Variants in ZNHIT3 observed in about 807,000 individuals in gnomAD.
ZNHIT3 encodes zinc finger HIT-type containing 3.
Under a neutral mutation model 19.9 loss-of-function variants are expected in ZNHIT3, and 27 were observed. The ratio of observed to expected loss-of-function variants is 1.36; its 90% confidence interval spans 1.00 to 1.87. The LOEUF (loss-of-function observed/expected upper bound fraction) is 1.87, where lower values mean the gene tolerates loss of function less well. Ranked by LOEUF, ZNHIT3 falls within the 40% of genes most tolerant of loss-of-function variation. ZNHIT3 has a pLI of 0.00. For missense variants in ZNHIT3, 215 were observed against 185.6 expected, an observed-to-expected ratio of 1.16 and a Z score of -0.92; for synonymous variants, 81 against 65.7, an observed-to-expected ratio of 1.23 and a Z score of -1.13.
In ZNHIT3 at chr17:36,486,789, A is replaced by C; in HGVS notation, c.86+4A>C. 1 of 1,607,196 alleles carries C rather than the reference A, an allele frequency of 6.2e-7. No individual in the cohort carries two copies. Among genetic ancestry groups the C allele is most frequent in the South Asian group, 1.1e-5 (1 of 90,722 alleles). On this transcript the variant is annotated splice_donor_region_variant and intron_variant, in intron 1 of 4. Coordinates refer to ENST00000617429, the MANE Select transcript of ZNHIT3 (RefSeq NM_004773.4). ...GTCCAGCCTGCCGCGTGCCCTAGTG[A>C]GCGGGGAGGTCGCGGGGTCCAGGGG...
rs1162144829 is a variant in ZNHIT3 at position 36,492,884 on chromosome 17, C to G, written c.190C>G (p.Pro64Ala). The part of the protein sequence containing the change: ...RSALPTKTVK[P>A]VENKDDDDSI... ...AGCTCTTCCTACCAAAACCGTAAAG[C>G]CTGTGGAAAACAAAGGTGGGTTGGT... Residue 64 changes from proline to alanine, a missense_variant, in exon 3 of 5, where the codon CCT (proline) becomes GCT (alanine). Pro to Ala is a conservative substitution (Grantham distance 27). Coordinates refer to ENST00000617429, the MANE Select transcript of ZNHIT3 (RefSeq NM_004773.4). 5 of 1,614,138 alleles carry G rather than the reference C, an allele frequency of 3.1e-6. No individual in the cohort carries two copies. Among genetic ancestry groups the G allele is most frequent in the Middle Eastern group, 3.3e-4 (2 of 6,062 alleles).
downstream of ZNHIT3, chr17:36,498,754 C>A (rs2071231982): frequency 6.5e-6 from 4 of 619,672 alleles, no homozygotes; most frequent in East Asian, 1.1e-4. Context: ...TGTGCTTAGG[C>A]CTTACATATG....
Position 36,486,697 on chromosome 17 carries a change from A to G in ZNHIT3, c.-3A>G, listed in dbSNP as rs748657014. The G allele has an allele frequency of 1.1e-5, 18 of 1,613,510 alleles. No homozygotes were observed. Among genetic ancestry groups the G allele is most frequent in the Non-Finnish European group, 1.1e-5 (13 of 1,179,836 alleles). ...GCAGTGAACAGTCTCCTTCCACAAAACCATGGCGTCGCTCAAATGTAGCAC... is the reference window on the plus strand; with the variant it reads ...GCAGTGAACAGTCTCCTTCCACAAAGCCATGGCGTCGCTCAAATGTAGCAC... On this transcript the variant is annotated 5_prime_UTR_variant, in exon 1 of 5. Coordinates refer to ENST00000617429, the MANE Select transcript of ZNHIT3 (RefSeq NM_004773.4).
downstream of ZNHIT3, chr17:36,498,244 A>G (rs1187439370): frequency 3.1e-6 from 5 of 1,597,704 alleles, no homozygotes; most frequent in Non-Finnish European, 3.4e-6. Context: ...CAAAGCTGTC[A>G]TGGCCATCAC....
downstream of ZNHIT3, chr17:36,496,036 TA>T: frequency 1.2e-6 from 1 of 800,140 alleles, no homozygotes; most frequent in African/African-American, 1.7e-5. Flanking sequence ...ATTTGGTAAC[TA>T]CCAGCCCTGA....
chr17:36,492,711 C>G, intron 2 of ZNHIT3, 102 bp from the exon 3 acceptor site: 1 of 1,000,000 alleles, frequency 1.0e-6, no homozygotes, highest in Non-Finnish European at 1.5e-6. Flanking sequence ...ACATCCCTTA[C>G]CCCAGACACT....
Position 36,495,281 on chromosome 17 carries a change from C to G in ZNHIT3, c.345C>G (p.Val115=). ...ATCCACACCTCAGGCAGTTGATGGT[C>G]AACCTCGATCAGGGAGAAGACAAAG... ...LLNPHLRQLM[V]NLDQGEDKAK... The change falls in exon 5 of 5, where the codon GTC becomes GTG. Residue 115 remains valine, a synonymous_variant. Transcript: ENST00000617429. 1 of 1,613,392 alleles carries G rather than the reference C, an allele frequency of 6.2e-7. No homozygotes were observed. Among genetic ancestry groups the G allele is most frequent in the Non-Finnish European group, 8.5e-7 (1 of 1,179,888 alleles).
chr17:36,486,970 AG>A lies in ZNHIT3; in HGVS notation c.118+5del. 6.2e-7 allele frequency: 1 copy of A among 1,610,928 alleles called. No homozygotes were observed. Among genetic ancestry groups the A allele is most frequent in the Non-Finnish European group, 8.5e-7 (1 of 1,179,418 alleles). ...GTCTGCTTCCGGAAGCACAAAGGTG[AG>A]CCCCGTCCCCGCCAGCCCTCGTACC... On this transcript the variant is annotated splice_donor_5th_base_variant and intron_variant, in intron 2 of 4. Transcript: ENST00000617429.
At chr17:36,496,446 T>C (rs748494369), downstream of ZNHIT3, 2 of 1,607,316 alleles carry the variant, frequency 1.2e-6, no homozygotes, top group Non-Finnish European at 1.7e-6. Context: ...CACTAGTTCC[T>C]GGGAGTGCCA....
At chr17:36,487,487 T>C (rs937972233) in intron 2 of ZNHIT3, among the ~76,000 whole-genome samples, 1 of 152,230 alleles carries the variant, frequency 6.6e-6, no homozygotes, top group African/African-American at 2.4e-5. Flanking sequence ...GAACACACTT[T>C]TGTACAGTTA....
downstream of ZNHIT3, chr17:36,496,111 G>C: frequency 8.3e-7 from 1 of 1,199,226 alleles, no homozygotes; most frequent in Non-Finnish European, 1.2e-6. Context: ...ACGGGGCTCT[G>C]GGTCGAAGGC....
downstream of ZNHIT3, chr17:36,496,249 G>A (rs1294785557): frequency 6.2e-7 from 1 of 1,613,780 alleles, no homozygotes; most frequent in African/African-American, 1.3e-5. Flanking sequence ...AGGCACCAAG[G>A]ATCACCCCAG....
At chr17:36,492,978 G>T in intron 3 of ZNHIT3, 79 bp downstream of exon 3, 4 of 1,344,104 alleles carry the variant, frequency 3.0e-6, no homozygotes, top group Non-Finnish European at 4.3e-6. Context: ...AGTGGGGCTG[G>T]TCAGGGAATC....
At position 36,489,719 on chromosome 17, in the gene ZNHIT3, C is replaced by T. The variant is rs2070682337; in HGVS notation, c.118+2753C>T. 1.3e-5 allele frequency: 2 copies of T among 151,808 alleles called. 1 individual carries two copies. Among genetic ancestry groups the T allele is most frequent in the South Asian group, 4.1e-4 (2 of 4,822 alleles). 9.4% of individuals were successfully genotyped at this position (151,808 alleles called of 1,614,324 possible). On this transcript the variant is annotated intron_variant, in intron 2 of 4. Coordinates refer to ENST00000617429, the MANE Select transcript of ZNHIT3 (RefSeq NM_004773.4). ...TCTCTGCTTACTGCAACCTCCGCTT[C>T]CAGGGTTCAGGTGATTCTCCTGCCT...
At chr17:36,490,168 T>C (rs1442012865) in intron 2 of ZNHIT3, 1 of 152,144 alleles carries the variant, frequency 6.6e-6, no homozygotes, top group African/African-American at 2.4e-5. Flanking sequence ...CCTAGACCAA[T>C]GTCCTGAAGC....
chr17:36,496,247 A>G (rs368506948), downstream of ZNHIT3: 23 of 1,613,602 alleles, frequency 1.4e-5, no homozygotes, highest in Admixed American at 1.3e-4. Flanking sequence ...AAAGGCACCA[A>G]GGATCACCCC....
chr17:36,496,370 G>T, downstream of ZNHIT3: 2 of 1,613,986 alleles, frequency 1.2e-6, no homozygotes, highest in South Asian at 2.2e-5. Context: ...TCAGCATACC[G>T]CAGTGGAGAC....
downstream of ZNHIT3, chr17:36,496,437 A>G (rs2070980212): frequency 6.2e-7 from 1 of 1,611,344 alleles, no homozygotes; most frequent in African/African-American, 1.3e-5. Flanking sequence ...CAGCTTTAGC[A>G]CTAGTTCCTG....
At chr17:36,493,144 G>A in intron 3 of ZNHIT3, 3 of 564,382 alleles carry the variant, frequency 5.3e-6, no homozygotes, top group South Asian at 2.1e-5. Context: ...GGCCATGGCT[G>A]TGGTTTGGGG....
Sources: gnomAD v4.1 joint callset for allele counts (sites outside exome capture counted in the v4.1 genomes callset) on GRCh38, gnomAD v4.1.1 for gene constraint, MANE v1.5 for transcripts, NCBI Gene and HGNC (gene_info 2026-07-23, HGNC 2026-07-21) for gene names.